LEKR1: variants seen among roughly 807,000 people sequenced by gnomAD.
LEKR1 encodes the protein protein LEKR1.
LEKR1 carries 59 observed loss-of-function variants against 72.4 expected under a neutral mutation model. The ratio of observed to expected loss-of-function variants is 0.82; its 90% CI spans 0.66 to 1.01. LEKR1 has a LOEUF of 1.01. Among genes scored for constraint, LEKR1 ranks in the 50% least tolerant of loss-of-function variants. LEKR1 has a pLI of 0.00. For synonymous variants in LEKR1, 257 were observed against 263.2 expected (o/e 0.98, Z 0.23); for missense variants, 728 against 759.2 (o/e 0.96, Z 0.48).
chr3:156,885,136 G>A (rs1719916194), intron 3 of LEKR1, among the ~76,000 whole-genome samples: 1 of 151,980 alleles, frequency 6.6e-6, no homozygotes, highest in South Asian at 2.1e-4. Flanking sequence ...AGTTGTGATT[G>A]CTTTTTCTTT....
At chr3:157,028,793 CTA>C (rs1196862757) in intron 12 of LEKR1, among the ~76,000 whole-genome samples, 1 of 152,138 alleles carries the variant, frequency 6.6e-6, no homozygotes, top group South Asian at 2.1e-4. Flanking sequence ...AAAAATTAGA[CTA>C]TGTCTTTTAA....
intron 6 of LEKR1, among the ~76,000 whole-genome samples, chr3:156,948,371 T>G (rs1012561911): frequency 2.0e-5 from 3 of 151,162 alleles, no homozygotes; most frequent in African/African-American, 7.3e-5. Flanking sequence ...CCTCACAAAA[T>G]TCTCATATTA....
At chr3:156,898,693 G>A (rs1380071939) in intron 3 of LEKR1, among the ~76,000 whole-genome samples, 2 of 152,140 alleles carry the variant, frequency 1.3e-5, no homozygotes, top group Non-Finnish European at 2.9e-5. Flanking sequence ...ATTATTTCCA[G>A]TCTTAGTTTA....
At chr3:156,883,309 G>T (rs942823428) in intron 3 of LEKR1, among the ~76,000 whole-genome samples, 55 of 152,300 alleles carry the variant, frequency 3.6e-4, no homozygotes, top group African/African-American at 1.3e-3. Flanking sequence ...TATCTAGGAA[G>T]TAACTAACTT....
chr3:156,961,471 C>A (rs73027797), intron 6 of LEKR1, among the ~76,000 whole-genome samples: 2,959 of 152,316 alleles, frequency 0.019, 104 homozygotes, highest in African/African-American at 0.066. Flanking sequence ...AACCTACTTT[C>A]TATCTCTATA....
chr3:156,883,000 T>G, intron 3 of LEKR1, among the ~76,000 whole-genome samples: 2 of 148,974 alleles, frequency 1.3e-5, no homozygotes, highest in Non-Finnish European at 1.5e-5. Flanking sequence ...TGGGGACTGT[T>G]GTGGGTTGGG....
rs151166591 is a variant in LEKR1 at position 156,986,224 on chromosome 3, T to C, written c.828-6429T>C. 1.6e-3 allele frequency among the ~76,000 whole-genome samples: 245 copies of C among 152,318 alleles called. 3 individuals carry two copies. The East Asian group carries it at 0.023, about 14-fold the overall frequency. ...GTTACAGCAGCAATAAGAAATTAAA[T>C]TGACCAGTGTTTCCTGAAGAGTTTC... is the stretch of plus-strand genomic sequence containing the variant. On this transcript the variant is annotated intron_variant, in intron 7 of 12. Transcript: ENST00000356539.
At chr3:156,908,967 A>C (rs1023756421) in intron 3 of LEKR1, among the ~76,000 whole-genome samples, 1 of 152,198 alleles carries the variant, frequency 6.6e-6, no homozygotes, top group Non-Finnish European at 1.5e-5. Flanking sequence ...GAAGGGACAC[A>C]GTGGGAGATA....
intron 6 of LEKR1, among the ~76,000 whole-genome samples, chr3:156,964,457 T>C (rs1156299625): frequency 1.3e-5 from 2 of 152,178 alleles, no homozygotes; most frequent in African/African-American, 4.8e-5. Flanking sequence ...AGTATTGCCT[T>C]AGAATTCCTT....
intron 10 of LEKR1, 131 bp from the exon 11 acceptor site, chr3:157,024,629 T>C: frequency 1.3e-6 from 1 of 752,058 alleles, no homozygotes. Flanking sequence ...TTTTGAACAC[T>C]AGAATTTTTA....
At chr3:156,982,265 T>C (rs1730265046) in intron 7 of LEKR1, among the ~76,000 whole-genome samples, 2 of 152,218 alleles carry the variant, frequency 1.3e-5, no homozygotes, top group African/African-American at 4.8e-5. Flanking sequence ...TCCATCCTGC[T>C]GCCCTCAGCA....
chr3:156,994,041 G>A (rs1362368334), intron 9 of LEKR1, among the ~76,000 whole-genome samples: 4 of 151,894 alleles, frequency 2.6e-5, no homozygotes, highest in Non-Finnish European at 5.9e-5. Flanking sequence ...TATTAACTAA[G>A]AACACAAGTT....
chr3:156,937,550 T>C (rs999158523), intron 5 of LEKR1, among the ~76,000 whole-genome samples: 4 of 152,206 alleles, frequency 2.6e-5, no homozygotes, highest in African/African-American at 7.2e-5. Context: ...GAAACTAGTT[T>C]ACTCAGCACT....
At position 157,044,154 on chromosome 3, in the gene LEKR1, C is replaced by T. The variant is rs149641663; in HGVS notation, c.1669-1186C>T. The stretch of plus-strand genomic sequence containing the variant: ...CACTAAGAAGCAGACTTGGGAATGC[C>T]TTGGCTGTTTTTACAAACAAGGTAA... On this transcript the variant is annotated intron_variant, in intron 12 of 12. Transcript: ENST00000356539. Among the ~76,000 whole-genome samples, 381 of 152,296 alleles carry T rather than the reference C, an allele frequency of 2.5e-3. 1 individual carries two copies. The highest frequency in any genetic ancestry group is 4.6e-3 in the Non-Finnish European group (311 of 68,026).
chr3:156,865,965 C>T (rs979472429), intron 3 of LEKR1, among the ~76,000 whole-genome samples: 29 of 152,108 alleles, frequency 1.9e-4, no homozygotes, highest in African/African-American at 6.7e-4. Context: ...CCTTTGTTTT[C>T]CCTTTTATAA....
chr3:156,904,371 C>G (rs985709053), intron 3 of LEKR1, among the ~76,000 whole-genome samples: 1 of 150,804 alleles, frequency 6.6e-6, no homozygotes, highest in Admixed American at 6.6e-5. Flanking sequence ...AACCCTTTTG[C>G]CTCCTTTTTG....
Position 156,979,140 on chromosome 3 carries a change from A to G in LEKR1, c.746-54A>G, listed in dbSNP as rs942730841. The G allele has an allele frequency of 1.1e-5, 9 of 787,856 alleles. No homozygotes were observed. The African/African-American group carries it at 1.4e-4, about 12-fold the overall frequency. 48.8% of individuals were successfully genotyped at this position (787,856 alleles called of 1,614,324 possible). On this transcript the variant is annotated intron_variant, in intron 6 of 12. Coordinates refer to ENST00000356539, the MANE Select transcript of LEKR1 (RefSeq NM_001004316.3). ...AAAGAATATGGTTTACTCTATGAAAATATCTGGACACTTAAAATGTACTAA... is the reference window on the plus strand; with the variant it reads ...AAAGAATATGGTTTACTCTATGAAAGTATCTGGACACTTAAAATGTACTAA...
intron 3 of LEKR1, among the ~76,000 whole-genome samples, chr3:156,884,160 G>T (rs1719804100): frequency 6.6e-6 from 1 of 152,102 alleles, no homozygotes; most frequent in Admixed American, 6.5e-5. Context: ...ATTTATGTCA[G>T]TGCTCATGTT....
intron 10 of LEKR1, among the ~76,000 whole-genome samples, chr3:157,024,538 C>T (rs1482108114): frequency 6.6e-6 from 1 of 152,150 alleles, no homozygotes. Flanking sequence ...AACTCCTCTA[C>T]TAATTTTTCA....
Sources: gnomAD v4.1 joint callset for allele counts (sites outside exome capture counted in the v4.1 genomes callset) on GRCh38, gnomAD v4.1.1 for gene constraint, MANE v1.5 for transcripts, NCBI Gene and HGNC (gene_info 2026-07-23, HGNC 2026-07-21) for gene names.